Variants in RTN2 observed in about 807,000 individuals in gnomAD.
RTN2 encodes reticulon 2, also known as reticulon-2.
A neutral mutation model predicts 63.7 loss-of-function variants in RTN2; 36 were observed. The observed-to-expected ratio is 0.56, with a 90% CI of 0.43 to 0.75. The LOEUF is 0.75. Ranked by LOEUF, RTN2 falls within the 30% of genes least tolerant of loss-of-function variation. The pLI, the probability that RTN2 is intolerant of heterozygous loss-of-function variation, is 0.00. For missense variants in RTN2, 673 were observed against 705.1 expected, an observed-to-expected ratio of 0.95 and a Z score of 0.52; for synonymous variants, 312 against 313.0, an observed-to-expected ratio of 1.00 and a Z score of 0.03.
At position 45,497,028 on chromosome 19, in the gene RTN2, C is replaced by A. The variant is rs1462163249; in HGVS notation, c.-203G>T. On this transcript the variant is annotated 5_prime_UTR_variant, in exon 1 of 11. Coordinates refer to ENST00000245923, the MANE Select transcript of RTN2 (RefSeq NM_005619.5). ...TCGGCTCGGCGGGGGCGGGCGGGGC[C>A]GAGGTGGGGAAGGCACTGCAGCGCG... is the stretch of plus-strand genomic sequence containing the variant. The A allele has an allele frequency of 1.7e-5, 4 of 231,418 alleles. No homozygotes were observed. Among genetic ancestry groups the A allele is most frequent in the Non-Finnish European group, 3.2e-5 (4 of 124,080 alleles). 14.3% of individuals were successfully genotyped at this position (231,418 alleles called of 1,614,324 possible).
At position 45,495,093 on chromosome 19, in the gene RTN2, AC is replaced by A; in HGVS notation, c.79+1del. On this transcript the variant is annotated splice_donor_variant, in intron 2 of 10. Coordinates refer to ENST00000245923, the MANE Select transcript of RTN2 (RefSeq NM_005619.5). LOFTEE classifies it high-confidence loss of function. ...CCCCTTCACATGCTCCCCACCACTT[AC>A]CTTCTGTGGAATCAGGAGTTGAGGA... 6.2e-7 allele frequency: 1 copy of A among 1,613,978 alleles called. No individual in the cohort carries two copies. Among genetic ancestry groups the A allele is most frequent in the Non-Finnish European group, 8.5e-7 (1 of 1,179,966 alleles).
chr19:45,487,769 C>T (rs1269798347), intron 9 of RTN2, among the ~76,000 whole-genome samples: 12 of 149,470 alleles, frequency 8.0e-5, no homozygotes, highest in South Asian at 2.1e-4. Flanking sequence ...TGGTGAAACC[C>T]GGTCTCTACT....
intron 6 of RTN2, 110 bp downstream of exon 6, chr19:45,489,236 A>G (rs887281946): frequency 1.9e-6 from 2 of 1,075,862 alleles, no homozygotes; most frequent in African/African-American, 3.1e-5. Flanking sequence ...CGGGATGAAA[A>G]ATGATCAAGA....
In RTN2 at chr19:45,485,696, G is replaced by T; in HGVS notation, c.*12C>A. 6.2e-7 allele frequency: 1 copy of T among 1,611,732 alleles called. No individual in the cohort carries two copies. Reference sequence around the variant, plus strand: ...GCTGGGGGCAGGCGTCCTGCGGGCAGAGACACCGTTCTCATTCGGCTTTGG... The same window carrying T: ...GCTGGGGGCAGGCGTCCTGCGGGCATAGACACCGTTCTCATTCGGCTTTGG... On this transcript the variant is annotated 3_prime_UTR_variant, in exon 11 of 11. Transcript: ENST00000245923.
chr19:45,487,836 G>A (rs777611288), intron 9 of RTN2, among the ~76,000 whole-genome samples: 4 of 150,120 alleles, frequency 2.7e-5, no homozygotes, highest in Non-Finnish European at 4.4e-5. Context: ...CCAGCTACTC[G>A]GGAAGCTGAG....
At chr19:45,495,065 G>A in intron 2 of RTN2, 30 bp downstream of exon 2, 2 of 1,614,164 alleles carry the variant, frequency 1.2e-6, no homozygotes, top group Non-Finnish European at 1.7e-6. Context: ...GCCCAGCCCT[G>A]AGCCCCTTCA....
Position 45,494,317 on chromosome 19 carries a change from T to C in RTN2, c.663A>G (p.Pro221=). Residue 221 remains proline, a synonymous_variant, in exon 4 of 11, where the codon CCA becomes CCG. Transcript: ENST00000245923. This position sits in a 1 kb window ranked among gnomAD's most constrained non-coding sequence, Gnocchi z 5.3. The part of the protein sequence containing the change: ...SGTPQAGTPS[P]SRSRDSNSGP... ...CAGAGTTCGAATCTCGCGATCGGGA[T>C]GGGGACGGAGTACCGGCCTGGGGTG... The C allele has an allele frequency of 6.2e-7, 1 of 1,614,038 alleles. No homozygotes were observed. Among genetic ancestry groups the C allele is most frequent in the Non-Finnish European group, 8.5e-7 (1 of 1,180,002 alleles).
chr19:45,494,450 C>T lies in RTN2; in HGVS notation c.560-30G>A, dbSNP rs1192482672. On this transcript the variant is annotated intron_variant, in intron 3 of 10. Coordinates refer to ENST00000245923, the MANE Select transcript of RTN2 (RefSeq NM_005619.5). The surrounding 1 kb of genome is among the most constrained non-coding windows in gnomAD (Gnocchi z 5.3). ...TACGGTAGAGAGAGGAGGCCGTGAG[C>T]TTTCTTCTTGGAGGTGCCCCAAGGA... 1 of 1,604,114 alleles carries T rather than the reference C, an allele frequency of 6.2e-7. No homozygotes were observed. Among genetic ancestry groups the T allele is most frequent in the African/African-American group, 1.3e-5 (1 of 74,594 alleles).
intron 10 of RTN2, 21 bp from the exon 11 acceptor site, chr19:45,485,810 A>T: frequency 6.2e-7 from 1 of 1,600,520 alleles, no homozygotes; most frequent in Non-Finnish European, 8.6e-7. Context: ...AACAGGTGGG[A>T]TCACGAGGTG....
chr19:45,487,032 CT>C (rs34799041), intron 9 of RTN2, among the ~76,000 whole-genome samples: 1,075 of 39,074 alleles, frequency 0.028, 7 homozygotes, highest in Admixed American at 0.044. Flanking sequence ...CATGCCCAGC[CT>C]TTTTTTTTTT....
At chr19:45,490,071 G>A (rs1485053999) in intron 5 of RTN2, among the ~76,000 whole-genome samples, 3 of 151,846 alleles carry the variant, frequency 2.0e-5, no homozygotes, top group Non-Finnish European at 4.4e-5. Flanking sequence ...GCGCAATCAC[G>A]ACTCACTGCA....
At position 45,493,321 on chromosome 19, in the gene RTN2, GGAACCGTCTTGTAAA is replaced by G; in HGVS notation, c.857_871del (p.Val286_Pro291delinsAla). 1.9e-6 allele frequency: 3 copies of G among 1,611,320 alleles called. No homozygotes were observed. The highest frequency in any genetic ancestry group is 2.5e-6 in the Non-Finnish European group (3 of 1,179,324). On this transcript the variant is annotated inframe_deletion, in exon 5 of 11. Transcript: ENST00000245923. Reference sequence around the variant, plus strand: ...CAGAGGTGGGGACAATTCCAAAATTGGAACCGTCTTGTAAACAGCCAAAAGCAATGATGTCTTTAA... The same window carrying G: ...CAGAGGTGGGGACAATTCCAAAATTGCAGCCAAAAGCAATGATGTCTTTAA...
At chr19:45,495,308 G>A (rs1968249129) in intron 1 of RTN2, 169 bp from the exon 2 acceptor site, 1 of 720,510 alleles carries the variant, frequency 1.4e-6, no homozygotes, top group Non-Finnish European at 2.3e-6. Context: ...AGTCTTTGAA[G>A]TCCAAATCCA....
At chr19:45,496,652 G>A (rs1968277062) in intron 1 of RTN2, 140 bp downstream of exon 1, 1 of 494,262 alleles carries the variant, frequency 2.0e-6, no homozygotes, top group Non-Finnish European at 3.3e-6. Flanking sequence ...CAGAGCGCGG[G>A]GGAGGGGAGA....
intron 4 of RTN2, among the ~76,000 whole-genome samples, chr19:45,493,668 C>A (rs1968209115): frequency 6.6e-6 from 1 of 152,072 alleles, no homozygotes; most frequent in Admixed American, 6.5e-5. Context: ...AAGGAGAGAA[C>A]TGTATTTTTT....
rs929071838 is a variant in RTN2 at position 45,486,069 on chromosome 19, G to A, written c.1542C>T (p.Ser514=). 1.2e-6 allele frequency: 2 copies of A among 1,614,016 alleles called. No individual in the cohort carries two copies. The highest frequency in any genetic ancestry group is 2.2e-5 in the South Asian group (2 of 91,076). ...QYVGLVTNQL[S]HIKAKIRAKI... is the part of the protein sequence containing the mutation. ...CATGCTCTTACTTAGCTTTGATGTG[G>A]CTCAACTGATTGGTCACCAACCCCA... Residue 514 remains serine, a synonymous_variant, in exon 10 of 11, where the codon AGC becomes AGT. Coordinates refer to ENST00000245923, the MANE Select transcript of RTN2 (RefSeq NM_005619.5).
chr19:45,493,069 TA>T (rs1968194829), intron 5 of RTN2, 90 bp downstream of exon 5: 3 of 1,264,348 alleles, frequency 2.4e-6, no homozygotes, highest in East Asian at 2.3e-5. Flanking sequence ...AGATCAGTAA[TA>T]AAAATGCTCC....
chr19:45,493,114 C>G, intron 5 of RTN2, 46 bp downstream of exon 5: 11 of 1,560,874 alleles, frequency 7.0e-6, no homozygotes, highest in Non-Finnish European at 9.7e-6. Context: ...GTTTGGACCC[C>G]GTTCCGCCGA....
chr19:45,487,315 G>A (rs1291092354), intron 9 of RTN2, among the ~76,000 whole-genome samples: 1 of 151,916 alleles, frequency 6.6e-6, no homozygotes, highest in African/African-American at 2.4e-5. Flanking sequence ...AAAGTGCCGG[G>A]ATTACAGTTG....
Sources: allele counts gnomAD v4.1 joint callset (sites outside exome capture counted in the v4.1 genomes callset), GRCh38; gene constraint gnomAD v4.1.1; non-coding constraint Gnocchi (gnomAD v3.1); transcripts MANE v1.5; gene names NCBI Gene and HGNC (gene_info 2026-07-23, HGNC 2026-07-21).